Variants in PARP11 observed in about 807,000 individuals in gnomAD.
PARP11 encodes the protein protein mono-ADP-ribosyltransferase PARP11.
PARP11 carries 31 observed loss-of-function variants against 42.9 expected under a neutral mutation model. The observed-to-expected ratio is 0.72, with a 90% CI of 0.54 to 0.98. The LOEUF is 0.98. Ranked by LOEUF, PARP11 falls within the 50% of genes least tolerant of loss-of-function variation. The pLI, the probability that PARP11 is intolerant of heterozygous loss-of-function variation, is 0.00. For missense variants in PARP11, 365 were observed against 413.1 expected (o/e 0.88, Z 1.01); for synonymous variants, 137 against 127.3 (o/e 1.08, Z -0.51).
intron 3 of PARP11, among the ~76,000 whole-genome samples, chr12:3,826,800 A>C (rs1947536579): frequency 6.6e-6 from 1 of 152,234 alleles, no homozygotes; most frequent in Non-Finnish European, 1.5e-5. Context: ...GATTCTAGTG[A>C]TAAGAGACTA....
intron 1 of PARP11, among the ~76,000 whole-genome samples, chr12:3,862,409 C>A (rs1948310686): frequency 6.6e-6 from 1 of 152,022 alleles, no homozygotes; most frequent in Non-Finnish European, 1.5e-5. Context: ...TATGATCACA[C>A]CACTGCACTA....
At chr12:3,842,434 C>T in intron 1 of PARP11, 2 of 1,606,772 alleles carry the variant, frequency 1.2e-6, no homozygotes, top group South Asian at 1.1e-5. Flanking sequence ...TTATCAGTAC[C>T]ATCGAAATGT....
In PARP11 at chr12:3,812,321, T is replaced by A; in HGVS notation, c.819A>T (p.Thr273=). The change falls in exon 8 of 8, where the codon ACA becomes ACT. Residue 273 remains threonine, a synonymous_variant. Transcript: ENST00000228820. ...CTCGAGCAAGAAACATAGATTTATA[T>A]GTTCTAAACAGATGCCGCTGTTGCA... ...VSLQQRHLFR[T]YKSMFLARVL... 1 of 1,614,236 alleles carries A rather than the reference T, an allele frequency of 6.2e-7. No individual in the cohort carries two copies. The highest frequency in any genetic ancestry group is 8.5e-7 in the Non-Finnish European group (1 of 1,180,042).
At chr12:3,842,986 A>T (rs11062860) in intron 1 of PARP11, among the ~76,000 whole-genome samples, 3,066 of 152,324 alleles carry the variant, frequency 0.02, 115 homozygotes, top group African/African-American at 0.071. Context: ...GCAATGCCTT[A>T]GTCATAAACT....
At chr12:3,814,228 ATATACCATAAGTAGCATTTAT>A (rs776720610) in intron 6 of PARP11, 40 bp from the exon 7 acceptor site, 1 of 1,488,848 alleles carries the variant, frequency 6.7e-7, no homozygotes, top group East Asian at 2.4e-5. Context: ...GCACACAGAA[ATATACCATAAGTAGCATTTAT>A]TAATCTTAAT....
intron 6 of PARP11, among the ~76,000 whole-genome samples, chr12:3,817,769 C>G (rs539614932): frequency 6.6e-6 from 1 of 152,174 alleles, no homozygotes; most frequent in Non-Finnish European, 1.5e-5. Flanking sequence ...TACTTTCATG[C>G]TCTGGATTAA....
chr12:3,860,743 C>G (rs2138115287), intron 1 of PARP11, among the ~76,000 whole-genome samples: 1 of 152,300 alleles, frequency 6.6e-6, no homozygotes. Flanking sequence ...AGTGACACAT[C>G]ATAGCTCACT....
intron 1 of PARP11, among the ~76,000 whole-genome samples, chr12:3,831,176 T>C (rs897224694): frequency 8.5e-5 from 13 of 152,186 alleles, no homozygotes; most frequent in African/African-American, 2.9e-4. Flanking sequence ...ATCACTTCCA[T>C]TCCTGGTACC....
At chr12:3,845,728 C>T (rs1220306751) in intron 1 of PARP11, among the ~76,000 whole-genome samples, 3 of 152,220 alleles carry the variant, frequency 2.0e-5, no homozygotes, top group Non-Finnish European at 2.9e-5. Flanking sequence ...AATAATGTCT[C>T]ATTTCCAATA....
intron 1 of PARP11, among the ~76,000 whole-genome samples, chr12:3,844,917 G>A (rs1348400750): frequency 1.3e-5 from 2 of 152,192 alleles, no homozygotes; most frequent in Non-Finnish European, 2.9e-5. Context: ...CTAAGGCTAA[G>A]CAAGCTTTTG....
At chr12:3,835,563 C>G (rs1947744091) in intron 1 of PARP11, among the ~76,000 whole-genome samples, 1 of 152,194 alleles carries the variant, frequency 6.6e-6, no homozygotes, top group South Asian at 2.1e-4. Context: ...AGGTGGTAGA[C>G]TGGGCAAACA....
At chr12:3,862,363 A>G (rs1948309410) in intron 1 of PARP11, among the ~76,000 whole-genome samples, 1 of 152,054 alleles carries the variant, frequency 6.6e-6, no homozygotes, top group Admixed American at 6.6e-5. Context: ...AGGCAAGAGG[A>G]TTGCTTGAGC....
intron 1 of PARP11, chr12:3,872,948 G>T: frequency 4.6e-6 from 1 of 216,478 alleles, no homozygotes; most frequent in Non-Finnish European, 7.9e-6. Context: ...AACAACAAAT[G>T]GTGAAGGGAT....
chr12:3,873,240 A>G lies in PARP11; in HGVS notation c.-11T>C. 6.5e-7 allele frequency: 1 copy of G among 1,549,910 alleles called. No individual in the cohort carries two copies. Among genetic ancestry groups the G allele is most frequent in the Non-Finnish European group, 8.7e-7 (1 of 1,146,590 alleles). Reference sequence around the variant, plus strand: ...ATTCGCTTCCCACATAACGGTGACAAAATCGAGCGGAGAGAGCCTGTGGGA... The same window carrying G: ...ATTCGCTTCCCACATAACGGTGACAGAATCGAGCGGAGAGAGCCTGTGGGA... On this transcript the variant is annotated 5_prime_UTR_variant, in exon 1 of 8. Transcript: ENST00000228820.
At chr12:3,825,919 G>A (rs540869964) in intron 4 of PARP11, among the ~76,000 whole-genome samples, 3 of 152,034 alleles carry the variant, frequency 2.0e-5, no homozygotes, top group South Asian at 2.1e-4. Flanking sequence ...TAGTAGAGAC[G>A]GGGATTCACC....
Position 3,814,181 on chromosome 12 carries a change from C to G in PARP11, c.556G>C (p.Ala186Pro), listed in dbSNP as rs759695271. The G allele has an allele frequency of 1.3e-6, 2 of 1,598,502 alleles. No homozygotes were observed. The highest frequency in any genetic ancestry group is 1.7e-6 in the Non-Finnish European group (2 of 1,170,156). The change falls in exon 7 of 8, where the codon GCT becomes CCT. Residue 186 changes from alanine (A) to proline (P), a missense_variant. Physicochemically the swap from Ala to Pro is conservative, Grantham distance 27 (BLOSUM62 -1). Coordinates refer to ENST00000228820, the MANE Select transcript of PARP11 (RefSeq NM_020367.6). ...ACACCTCTTTTTTTCTTGAGCTGAG[C>G]CTTTTTCCTAAAAACACAATATACA... ...DLWEFFCRKK[A>P]QLKKKRGVPQ...
At chr12:3,818,166 A>C (rs1947328838) in intron 6 of PARP11, among the ~76,000 whole-genome samples, 1 of 152,184 alleles carries the variant, frequency 6.6e-6, no homozygotes, top group Non-Finnish European at 1.5e-5. Flanking sequence ...TGTGGTTCCC[A>C]AGACAGCTCG....
chr12:3,864,280 C>T (rs868745004), intron 1 of PARP11, among the ~76,000 whole-genome samples: 14 of 152,206 alleles, frequency 9.2e-5, no homozygotes, highest in Middle Eastern at 3.2e-3. Context: ...TTGGAATAAA[C>T]ATCAGTAGGT....
intron 1 of PARP11, among the ~76,000 whole-genome samples, chr12:3,832,366 T>G (rs1947660845): frequency 6.6e-6 from 1 of 152,202 alleles, no homozygotes; most frequent in Non-Finnish European, 1.5e-5. Context: ...AATACAATTT[T>G]TTGTCTAGAT....
Sources: allele counts gnomAD v4.1 joint callset (sites outside exome capture counted in the v4.1 genomes callset), GRCh38; gene constraint gnomAD v4.1.1; transcripts MANE v1.5; gene names NCBI Gene and HGNC (gene_info 2026-07-23, HGNC 2026-07-21).